The following RICTOR variants were observed in gnomAD, a reference collection of about 807,000 sequenced individuals.
The protein encoded by RICTOR is rapamycin-insensitive companion of mTOR.
A neutral mutation model predicts 214.9 loss-of-function variants in RICTOR; 49 were observed. The ratio of observed to expected loss-of-function variants is 0.23; its 90% CI spans 0.18 to 0.29. RICTOR has a LOEUF of 0.29. Ranked by LOEUF, RICTOR falls within the 10% of genes least tolerant of loss-of-function variation. The pLI is 1.00. For synonymous variants in RICTOR, 717 were observed against 711.3 expected (o/e 1.01, Z -0.13); for missense variants, 1,625 against 2,047.0 (o/e 0.79, Z 3.98).
intron 10 of RICTOR, 44 bp from the exon 11 acceptor site, chr5:38,972,003 A>C (rs776388249): frequency 2.3e-6 from 2 of 870,352 alleles, no homozygotes; most frequent in East Asian, 4.9e-5. Context: ...CATGAATTTC[A>C]AAAAAATTTC....
At chr5:39,053,280 A>T (rs925911890) in intron 2 of RICTOR, among the ~76,000 whole-genome samples, 2 of 152,198 alleles carry the variant, frequency 1.3e-5, no homozygotes, top group African/African-American at 4.8e-5. Context: ...CAACAAACCA[A>T]AACACAGACA....
In RICTOR at chr5:39,030,837, T is replaced by C. The variant is rs187223825; in HGVS notation, c.98-9701A>G. The stretch of plus-strand genomic sequence containing the variant: ...GGGTCCAACCAACATTTACTAAGCA[T>C]GAAGTATATGTCTGGTCATGTACCA... On this transcript the variant is annotated intron_variant, in intron 2 of 37. Coordinates refer to ENST00000357387, the MANE Select transcript of RICTOR (RefSeq NM_152756.5). Among the ~76,000 whole-genome samples, 46 of 152,274 alleles carry C rather than the reference T, an allele frequency of 3.0e-4. 1 individual carries two copies. In the East Asian group the frequency reaches 8.3e-3, roughly 27 times the overall value.
chr5:39,020,991 G>T, intron 3 of RICTOR, 48 bp downstream of exon 3: 1 of 909,886 alleles, frequency 1.1e-6, no homozygotes, highest in Non-Finnish European at 1.9e-6. Context: ...AGTAAGTGTG[G>T]TAAGGAACAA....
intron 3 of RICTOR, among the ~76,000 whole-genome samples, chr5:39,007,628 A>G (rs1264266990): frequency 6.6e-6 from 1 of 152,164 alleles, no homozygotes; most frequent in African/African-American, 2.4e-5. Context: ...ACAGGCAAAG[A>G]AAATGTACAA....
intron 5 of RICTOR, among the ~76,000 whole-genome samples, chr5:39,001,829 T>C (rs767435340): frequency 5.9e-5 from 9 of 152,008 alleles, no homozygotes; most frequent in Non-Finnish European, 1.0e-4. Flanking sequence ...AGAAAGGATA[T>C]AACTAAAAAC....
At chr5:39,021,712 G>A (rs758968343) in intron 2 of RICTOR, among the ~76,000 whole-genome samples, 5 of 151,754 alleles carry the variant, frequency 3.3e-5, no homozygotes, top group Non-Finnish European at 5.9e-5. Context: ...AAGGCCCCTC[G>A]ACCTCAGACT....
At chr5:39,065,103 T>C (rs954814702) in intron 2 of RICTOR, among the ~76,000 whole-genome samples, 2 of 152,192 alleles carry the variant, frequency 1.3e-5, no homozygotes, top group African/African-American at 4.8e-5. Context: ...CTGGGTAATT[T>C]ATAAGAAAAG....
intron 2 of RICTOR, among the ~76,000 whole-genome samples, chr5:39,037,284 A>G (rs1359733210): frequency 1.3e-5 from 2 of 152,300 alleles, no homozygotes; most frequent in South Asian, 2.1e-4. Flanking sequence ...ACAAAGACAC[A>G]ACATACCAGA....
At chr5:38,991,725 T>A (rs1370233388) in intron 6 of RICTOR, among the ~76,000 whole-genome samples, 1 of 152,156 alleles carries the variant, frequency 6.6e-6, no homozygotes, top group Non-Finnish European at 1.5e-5. Context: ...TAAAATTTTG[T>A]ATGAATCTCA....
chr5:39,003,381 A>G (rs925954234), intron 4 of RICTOR, among the ~76,000 whole-genome samples, 177 bp downstream of exon 4: 2 of 152,208 alleles, frequency 1.3e-5, no homozygotes, highest in Non-Finnish European at 2.9e-5. Flanking sequence ...AGAAAATATC[A>G]CAAAGACTCA....
At chr5:38,953,144 A>C in intron 28 of RICTOR, 53 bp from the exon 29 acceptor site, 2 of 1,279,818 alleles carry the variant, frequency 1.6e-6, no homozygotes, top group Non-Finnish European at 2.2e-6. Flanking sequence ...CTTTCAAAAG[A>C]TTTGGAAAGC....
intron 14 of RICTOR, 28 bp from the exon 15 acceptor site, chr5:38,966,749 G>T: frequency 1.7e-6 from 2 of 1,198,142 alleles, no homozygotes; most frequent in Non-Finnish European, 2.4e-6. Context: ...TAACACCACT[G>T]TTGCAAAATA....
At chr5:38,985,237 T>C (rs553121350) in intron 7 of RICTOR, among the ~76,000 whole-genome samples, 1 of 152,342 alleles carries the variant, frequency 6.6e-6, no homozygotes, top group South Asian at 2.1e-4. Flanking sequence ...TTATATAAAA[T>C]GGCATAGTAT....
intron 3 of RICTOR, among the ~76,000 whole-genome samples, chr5:39,019,241 A>C (rs1755205877): frequency 1.3e-5 from 2 of 152,222 alleles, no homozygotes; most frequent in African/African-American, 4.8e-5. Context: ...TCCAGCAGAT[A>C]CTGCTAAGAT....
chr5:39,045,919 ATC>A (rs1757457988), intron 2 of RICTOR, among the ~76,000 whole-genome samples: 1 of 151,916 alleles, frequency 6.6e-6, no homozygotes. Flanking sequence ...TTATTTTCTA[ATC>A]TTTCCATTTG....
Position 38,946,463 on chromosome 5 carries a change from A to G in RICTOR, c.4399+5T>C, listed in dbSNP as rs746940101. The G allele has an allele frequency of 1.3e-6, 2 of 1,585,556 alleles. No homozygotes were observed. The highest frequency in any genetic ancestry group is 3.3e-5 in the Admixed American group (2 of 59,958). ...ATCTCACAAGTACAATGCACAATGC[A>G]TTACCTCCTGCATCATGGGCAAATG... On this transcript the variant is annotated splice_donor_5th_base_variant and intron_variant, in intron 33 of 37. Coordinates refer to ENST00000357387, the MANE Select transcript of RICTOR (RefSeq NM_152756.5).
chr5:39,025,993 G>C (rs1202620747), intron 2 of RICTOR, among the ~76,000 whole-genome samples: 1 of 152,140 alleles, frequency 6.6e-6, no homozygotes, highest in East Asian at 1.9e-4. Flanking sequence ...AGGGTGACTA[G>C]ATATAGAAAT....
At chr5:38,960,126 CCACTT>C in intron 20 of RICTOR, 148 bp from the exon 21 acceptor site, 1 of 679,374 alleles carries the variant, frequency 1.5e-6, no homozygotes, top group East Asian at 2.6e-5. Flanking sequence ...GTTTTCTAAT[CCACTT>C]CAACACAATG....
At chr5:39,041,506 G>A (rs1304474307) in intron 2 of RICTOR, among the ~76,000 whole-genome samples, 3 of 152,130 alleles carry the variant, frequency 2.0e-5, no homozygotes, top group African/African-American at 4.8e-5. Flanking sequence ...ACTCTGGAGA[G>A]TGAACTGCAG....
Sources: allele counts gnomAD v4.1 joint callset (sites outside exome capture counted in the v4.1 genomes callset), GRCh38; gene constraint gnomAD v4.1.1; transcripts MANE v1.5; gene names NCBI Gene and HGNC (gene_info 2026-07-23, HGNC 2026-07-21).